The following PAQR3 variants were observed in gnomAD, a reference collection of about 807,000 sequenced individuals.
PAQR3 encodes the protein Raf kinase trapping to Golgi.
Under a neutral mutation model 41.7 loss-of-function variants are expected in PAQR3, and 39 were observed. The observed-to-expected ratio is 0.93, with a 90% CI of 0.72 to 1.22. PAQR3 has a LOEUF of 1.22. Ranked by LOEUF, PAQR3 falls within the 50% of genes most tolerant of loss-of-function variation. The probability of loss-of-function intolerance (pLI) is 0.00; values close to 1 mark genes in which losing one functional copy is unlikely to be tolerated. For missense variants in PAQR3, 366 were observed against 385.6 expected (o/e 0.95, Z 0.42); for synonymous variants, 140 against 140.6 (o/e 1.00, Z 0.03).
At chr4:78,889,501 C>CTT (rs1733308997) in intron 11 of PAQR3, among the ~76,000 whole-genome samples, 1 of 152,132 alleles carries the variant, frequency 6.6e-6, no homozygotes, top group African/African-American at 2.4e-5. Flanking sequence ...CTTTGAAATA[C>CTT]TTTGTCATGT....
intron 2 of PAQR3, among the ~76,000 whole-genome samples, chr4:78,934,514 T>A (rs1737225822): frequency 6.6e-6 from 1 of 152,366 alleles, no homozygotes; most frequent in Admixed American, 6.5e-5. Flanking sequence ...TGATTCAAAA[T>A]TATCTGTTTG....
Position 78,918,055 on chromosome 4 carries a change from T to G in PAQR3, c.*2484A>C. On this transcript the variant is annotated 3_prime_UTR_variant, in exon 6 of 6. Transcript: ENST00000512733. ...ACTGTCTTGCTATTTGAAAATGGCT[T>G]AATATAGAAAGATAATTGTTTCTTA... The G allele has an allele frequency of 1.6e-5, 16 of 979,862 alleles. No homozygotes were observed. The highest frequency in any genetic ancestry group is 1.9e-5 in the Non-Finnish European group (16 of 824,592). The allele number at this position is 979,862 out of a possible 1,614,324, so 60.7% of individuals were successfully genotyped here.
At chr4:78,901,148 A>G (rs1297929659) in intron 11 of PAQR3, among the ~76,000 whole-genome samples, 1 of 152,098 alleles carries the variant, frequency 6.6e-6, no homozygotes, top group Admixed American at 6.5e-5. Flanking sequence ...GGCTCAAGCA[A>G]TCCTACTCTC....
intron 3 of PAQR3, among the ~76,000 whole-genome samples, chr4:78,929,110 A>G (rs754709143): frequency 2.6e-5 from 4 of 152,214 alleles, no homozygotes; most frequent in Non-Finnish European, 2.9e-5. Context: ...CTCCTGCTGC[A>G]TGGCCTGGTT....
chr4:78,889,219 T>G (rs1577962259), intron 11 of PAQR3, among the ~76,000 whole-genome samples: 1 of 58,538 alleles, frequency 1.7e-5, no homozygotes, highest in South Asian at 5.5e-4. Context: ...AGACTCTGTC[T>G]CAAAAAAAAA....
rs1188817115 is a variant in PAQR3 at position 78,916,272 on chromosome 4, TTTAAAG to T, written c.*4261_*4266del. 1.3e-5 allele frequency: 2 copies of T among 151,968 alleles called. No homozygotes were observed. Among genetic ancestry groups the T allele is most frequent in the Non-Finnish European group, 2.9e-5 (2 of 67,872 alleles). 9.4% of individuals were successfully genotyped at this position (151,968 alleles called of 1,614,324 possible). On this transcript the variant is annotated 3_prime_UTR_variant, in exon 6 of 6. Coordinates refer to ENST00000512733, the MANE Select transcript of PAQR3 (RefSeq NM_001040202.2). ...CCCTGATTCACTGTTTTGTTTGAAA[TTTAAAG>T]TTATTTTCTTACTGTATTTATCATA...
At chr4:78,929,182 T>C (rs10009008) in intron 3 of PAQR3, among the ~76,000 whole-genome samples, 10,642 of 152,162 alleles carry the variant, frequency 0.07, 1,206 homozygotes, top group African/African-American at 0.24. Context: ...ACCTGTTACA[T>C]GGTGGGCCTT....
intron 11 of PAQR3, among the ~76,000 whole-genome samples, chr4:78,902,066 T>G (rs561143409): frequency 6.6e-6 from 1 of 152,222 alleles, no homozygotes; most frequent in Admixed American, 6.5e-5. Flanking sequence ...TACAATGAGG[T>G]GTATTGTTTA....
At chr4:78,905,096 A>G (rs144692851) in intron 11 of PAQR3, among the ~76,000 whole-genome samples, 12 of 151,924 alleles carry the variant, frequency 7.9e-5, no homozygotes, top group Non-Finnish European at 1.5e-4. Flanking sequence ...TGACTAATCT[A>G]TTGGTTCATT....
chr4:78,917,932 G>C lies in PAQR3; in HGVS notation c.*2607C>G. On this transcript the variant is annotated 3_prime_UTR_variant, in exon 6 of 6. Coordinates refer to ENST00000512733, the MANE Select transcript of PAQR3 (RefSeq NM_001040202.2). ...GTATTACAAAGAATGACAAGCAGCA[G>C]TTAAAAATATTTAGTAAACCCAGTT... 1.0e-6 allele frequency: 1 copy of C among 984,220 alleles called. No homozygotes were observed. Among genetic ancestry groups the C allele is most frequent in the Middle Eastern group, 5.2e-4 (1 of 1,914 alleles). 61.0% of individuals were successfully genotyped at this position (984,220 alleles called of 1,614,324 possible).
Position 78,930,313 on chromosome 4 carries a change from A to G in PAQR3, c.361T>C (p.Cys121Arg). The G allele has an allele frequency of 6.2e-7, 1 of 1,612,538 alleles. No homozygotes were observed. The part of the protein sequence containing the change: ...CLFCFQVCML[C>R]SVGYHLFSCH... ...GAAAAAAGATGATAGCCCACAGAGC[A>G]AAGCATACAGACCTGTGAAAAATAA... Residue 121 changes from cysteine (C) to arginine (R), a missense_variant, in exon 3 of 6, where the codon TGC (cysteine) becomes CGC (arginine). Cys to Arg is a radical substitution (Grantham distance 180). Transcript: ENST00000512733.
At position 78,918,485 on chromosome 4, in the gene PAQR3, TGA is replaced by T. The variant is rs1735314174; in HGVS notation, c.*2052_*2053del. The T allele has an allele frequency of 2.4e-5, 23 of 961,162 alleles. No individual in the cohort carries two copies. The highest frequency in any genetic ancestry group is 2.8e-5 in the Non-Finnish European group (23 of 807,868). 59.5% of individuals were successfully genotyped at this position (961,162 alleles called of 1,614,324 possible). A position where few individuals can be genotyped will look rare whatever the true frequency, so the allele number is the denominator to read the frequency against. On this transcript the variant is annotated 3_prime_UTR_variant, in exon 6 of 6. Coordinates refer to ENST00000512733, the MANE Select transcript of PAQR3 (RefSeq NM_001040202.2). Reference sequence around the variant, plus strand: ...TAAATATATCATAGCAGTGAAAAAATGAGAGGATAACTTTCTTACAATATTTA... The same window carrying T: ...TAAATATATCATAGCAGTGAAAAAATGAGGATAACTTTCTTACAATATTTA...
intron 1 of PAQR3, among the ~76,000 whole-genome samples, 193 bp from the exon 2 acceptor site, chr4:78,935,476 G>A (rs1420108151): frequency 3.9e-5 from 6 of 152,086 alleles, no homozygotes; most frequent in African/African-American, 2.4e-5. Context: ...CCAAGTCTGG[G>A]ACCACAGTTT....
At chr4:78,933,252 T>C in intron 2 of PAQR3, 1 of 456,262 alleles carries the variant, frequency 2.2e-6, no homozygotes, top group Non-Finnish European at 4.4e-6. Context: ...ATAGGACACA[T>C]TCAACAAATA....
intron 11 of PAQR3, among the ~76,000 whole-genome samples, chr4:78,894,669 C>G (rs1159468445): frequency 1.3e-5 from 2 of 152,218 alleles, no homozygotes; most frequent in Non-Finnish European, 2.9e-5. Context: ...TACCGTTCAT[C>G]ACTGATCACT....
rs1735119846 is a variant in PAQR3 at position 78,916,804 on chromosome 4, A to G, written c.*3735T>C. On this transcript the variant is annotated 3_prime_UTR_variant, in exon 6 of 6. Transcript: ENST00000512733. ...CATTGTAATCCTCAATTATATCAGA[A>G]AAGAGGCTATGACACATTAAAGAGA... 6.6e-6 allele frequency: 1 copy of G among 151,914 alleles called. No individual in the cohort carries two copies. The highest frequency in any genetic ancestry group is 6.6e-5 in the Admixed American group (1 of 15,210). 9.4% of individuals were successfully genotyped at this position (151,914 alleles called of 1,614,324 possible). A position where few individuals can be genotyped will look rare whatever the true frequency, so the allele number is the denominator to read the frequency against.
intron 5 of PAQR3, chr4:78,921,868 T>A (rs1188674859): frequency 1.0e-6 from 1 of 985,088 alleles, no homozygotes; most frequent in Non-Finnish European, 1.2e-6. Flanking sequence ...ACTGCTCTCA[T>A]GTACCCAAAC....
downstream of PAQR3, chr4:78,911,801 A>G (rs1455259988): frequency 1.2e-6 from 2 of 1,613,946 alleles, no homozygotes; most frequent in East Asian, 2.2e-5. Flanking sequence ...CACCCTCCAC[A>G]TCAGGGCCTG....
At position 78,901,529 on chromosome 4, in the gene PAQR3, G is replaced by GAA. The variant is rs535945192; in HGVS notation, c.*836+4578_*836+4579insTT. ...CCACTACCAGTATCTGTTTAAGATG[G>GAA]TGCCATTCCTATTTTCACTAAAGGA... On this transcript the variant is annotated intron_variant and NMD_transcript_variant, in intron 11 of 12. Transcript: ENST00000342820. Among the ~76,000 whole-genome samples the GAA allele has an allele frequency of 1.1e-3, 163 of 152,232 alleles. 1 individual carries two copies. The highest frequency in any genetic ancestry group is 2.2e-3 in the Admixed American group (34 of 15,284).
Sources: gnomAD v4.1 joint callset for allele counts (sites outside exome capture counted in the v4.1 genomes callset) on GRCh38, gnomAD v4.1.1 for gene constraint, MANE v1.5 for transcripts, NCBI Gene and HGNC (gene_info 2026-07-23, HGNC 2026-07-21) for gene names.